The following CADPS2 variants were observed in gnomAD, a reference collection of about 807,000 sequenced individuals.
CADPS2 encodes the protein calcium dependent secretion activator 2.
In CADPS2, 93 loss-of-function variants were observed where a neutral mutation model predicts 172.5. That is an observed-to-expected ratio of 0.54 (90% CI 0.46 to 0.64). CADPS2 has a LOEUF of 0.64. Ranked by LOEUF, CADPS2 falls within the 30% of genes least tolerant of loss-of-function variation. The pLI, the probability that CADPS2 is intolerant of heterozygous loss-of-function variation, is 0.00. For missense variants in CADPS2, 1,420 were observed against 1,565.9 expected, an observed-to-expected ratio of 0.91 and a Z score of 1.57; for synonymous variants, 546 against 555.2, an observed-to-expected ratio of 0.98 and a Z score of 0.23.
intron 20 of CADPS2, among the ~76,000 whole-genome samples, chr7:122,400,152 C>A (rs1024647110): frequency 2.0e-5 from 3 of 151,736 alleles, no homozygotes; most frequent in African/African-American, 7.3e-5. Context: ...GAAACTAGAG[C>A]AGGCAGGGCG....
At chr7:122,424,331 A>G (rs574358382) in intron 17 of CADPS2, 1 of 984,924 alleles carries the variant, frequency 1.0e-6, no homozygotes, top group East Asian at 1.1e-4. Context: ...CTTTACCTAG[A>G]TTATCTTTCG....
At chr7:122,713,661 T>C (rs2089138011) in intron 2 of CADPS2, among the ~76,000 whole-genome samples, 2 of 152,066 alleles carry the variant, frequency 1.3e-5, no homozygotes. Flanking sequence ...GTATCACTTT[T>C]CCATATATAA....
At chr7:122,780,150 G>T (rs1000909621) in intron 1 of CADPS2, among the ~76,000 whole-genome samples, 2 of 151,992 alleles carry the variant, frequency 1.3e-5, no homozygotes, top group Non-Finnish European at 2.9e-5. Context: ...TCTTATTTCT[G>T]TACACATATA....
chr7:122,493,231 C>A (rs1223869102), intron 9 of CADPS2, among the ~76,000 whole-genome samples: 1 of 152,066 alleles, frequency 6.6e-6, no homozygotes, highest in Non-Finnish European at 1.5e-5. Context: ...GAAAAACGGG[C>A]AAAAGATGAC....
chr7:122,375,691 ACATTGG>A (rs2042256488), intron 25 of CADPS2, among the ~76,000 whole-genome samples: 2 of 152,148 alleles, frequency 1.3e-5, no homozygotes, highest in Admixed American at 1.3e-4. Context: ...AAGTTTCTTG[ACATTGG>A]CCGTAGCAAT....
intron 23 of CADPS2, 76 bp from the exon 24 acceptor site, chr7:122,387,249 C>T: frequency 2.1e-6 from 3 of 1,399,458 alleles, no homozygotes; most frequent in Non-Finnish European, 2.9e-6. Context: ...GTGAAATCAA[C>T]ACTACAAGAT....
chr7:122,762,870 G>T (rs551283371), intron 1 of CADPS2, among the ~76,000 whole-genome samples: 27 of 152,130 alleles, frequency 1.8e-4, no homozygotes, highest in African/African-American at 6.5e-4. Flanking sequence ...AAGCTACAGA[G>T]AATATGTTCC....
chr7:122,762,359 T>G, intron 1 of CADPS2, among the ~76,000 whole-genome samples: 1 of 151,856 alleles, frequency 6.6e-6, no homozygotes, highest in East Asian at 1.9e-4. Context: ...CAAGAAAATC[T>G]CCCAGAAGGG....
chr7:122,592,656 C>T (rs965047272), intron 6 of CADPS2, among the ~76,000 whole-genome samples: 1 of 152,010 alleles, frequency 6.6e-6, no homozygotes, highest in Non-Finnish European at 1.5e-5. Context: ...ACTATGCAGC[C>T]ATAAAAAAGG....
At chr7:122,637,199 T>C (rs1285773821) in intron 3 of CADPS2, among the ~76,000 whole-genome samples, 1 of 58,686 alleles carries the variant, frequency 1.7e-5, no homozygotes, top group Non-Finnish European at 3.1e-5. Context: ...TTTTTTTTTT[T>C]TTTTTTTTTC....
At chr7:122,671,011 C>T (rs560251052) in intron 2 of CADPS2, among the ~76,000 whole-genome samples, 9 of 151,998 alleles carry the variant, frequency 5.9e-5, no homozygotes, top group Admixed American at 2.6e-4. Flanking sequence ...TTATCTCAGT[C>T]ACCATTCAGA....
At chr7:122,748,532 A>C (rs1327311569) in intron 1 of CADPS2, among the ~76,000 whole-genome samples, 2 of 152,144 alleles carry the variant, frequency 1.3e-5, no homozygotes, top group Admixed American at 6.6e-5. Flanking sequence ...CATGCCACAC[A>C]ATGGCCTTTT....
chr7:122,752,126 T>C (rs1246876412), intron 1 of CADPS2, among the ~76,000 whole-genome samples: 5 of 152,108 alleles, frequency 3.3e-5, no homozygotes, highest in Admixed American at 1.3e-4. Flanking sequence ...TGTGAATAAA[T>C]AGAATAGAAA....
intron 15 of CADPS2, among the ~76,000 whole-genome samples, chr7:122,443,547 T>G (rs1356104602): frequency 6.6e-6 from 1 of 151,760 alleles, no homozygotes; most frequent in Non-Finnish European, 1.5e-5. Flanking sequence ...CACAGATTTA[T>G]CTTATAATTA....
At chr7:122,681,390 T>C (rs2083023528) in intron 2 of CADPS2, 2 of 1,492,370 alleles carry the variant, frequency 1.3e-6, no homozygotes, top group Admixed American at 3.3e-5. Context: ...CTGTACTAAC[T>C]GTGCCCGATG....
In CADPS2 at chr7:122,691,967, G is replaced by A. The variant is rs559680280; in HGVS notation, c.454-28398C>T. On this transcript the variant is annotated intron_variant, in intron 2 of 29. Transcript: ENST00000449022. ...ACCATTAATAAACACAGCTCTGCCC[G>A]GAAATTTATCCGGGTTCAGAGACTA... is the stretch of plus-strand genomic sequence containing the variant. Among the ~76,000 whole-genome samples the A allele has an allele frequency of 4.9e-4, 74 of 152,306 alleles. No homozygotes were observed. In the Middle Eastern group the frequency reaches 0.014, roughly 28 times the overall value.
At chr7:122,519,644 A>C (rs1173605585) in intron 8 of CADPS2, among the ~76,000 whole-genome samples, 1 of 152,006 alleles carries the variant, frequency 6.6e-6, no homozygotes, top group African/African-American at 2.4e-5. Context: ...CACAAAGACA[A>C]CTAAATATAT....
At chr7:122,432,646 A>G (rs2050098846) in intron 17 of CADPS2, among the ~76,000 whole-genome samples, 1 of 144,666 alleles carries the variant, frequency 6.9e-6, no homozygotes. Context: ...GTTAAAATAA[A>G]AAAAAAAAAA....
intron 1 of CADPS2, among the ~76,000 whole-genome samples, chr7:122,810,452 C>T (rs1157817788): frequency 6.6e-6 from 1 of 152,106 alleles, no homozygotes; most frequent in Non-Finnish European, 1.5e-5. Flanking sequence ...ATGAAATTCT[C>T]AAGAAACTGG....
Sources: gnomAD v4.1 joint callset for allele counts (sites outside exome capture counted in the v4.1 genomes callset) on GRCh38, gnomAD v4.1.1 for gene constraint, MANE v1.5 for transcripts, NCBI Gene and HGNC (gene_info 2026-07-23, HGNC 2026-07-21) for gene names.